CNTN5: variants seen among roughly 807,000 people sequenced by gnomAD.
The protein encoded by CNTN5 is contactin 5.
CNTN5 carries 77 observed loss-of-function variants against 129.1 expected under a neutral mutation model. The observed-to-expected ratio is 0.60, with a 90% CI of 0.50 to 0.72. CNTN5 has a LOEUF of 0.72. Among genes scored for constraint, CNTN5 ranks in the 30% least tolerant of loss-of-function variants. The pLI is 0.00. For synonymous variants in CNTN5, 509 were observed against 465.6 expected (o/e 1.09, Z -1.20); for missense variants, 1,478 against 1,328.8 (o/e 1.11, Z -1.75).
At chr11:99,895,563 G>C (rs564626928) in intron 6 of CNTN5, among the ~76,000 whole-genome samples, 3 of 152,272 alleles carry the variant, frequency 2.0e-5, no homozygotes, top group Non-Finnish European at 2.9e-5. Context: ...ATAGAGCAGA[G>C]AGGAATGAAG....
chr11:99,646,822 AAAAAAG>A (rs1469556871), intron 3 of CNTN5, among the ~76,000 whole-genome samples: 2 of 151,714 alleles, frequency 1.3e-5, no homozygotes, highest in Non-Finnish European at 2.9e-5. Context: ...AAAAAAAAAA[AAAAAAG>A]GAAAAAAACC....
chr11:99,040,978 TAGG>T (rs2135136332), intron 1 of CNTN5, among the ~76,000 whole-genome samples: 1 of 152,214 alleles, frequency 6.6e-6, no homozygotes, highest in South Asian at 2.1e-4. Flanking sequence ...ATCATCAACT[TAGG>T]AGGAACTAAA....
At chr11:100,021,916 G>A (rs1941174242) in intron 9 of CNTN5, among the ~76,000 whole-genome samples, 1 of 152,140 alleles carries the variant, frequency 6.6e-6, no homozygotes, top group African/African-American at 2.4e-5. Context: ...AGGGCAGGAA[G>A]CAACCAGCAC....
intron 3 of CNTN5, among the ~76,000 whole-genome samples, chr11:99,797,545 T>G (rs1270269827): frequency 4.6e-5 from 7 of 152,202 alleles, no homozygotes; most frequent in African/African-American, 1.4e-4. Flanking sequence ...GTGAAGCATT[T>G]TTTCAGGCTT....
intron 3 of CNTN5, among the ~76,000 whole-genome samples, chr11:99,669,443 T>G (rs992248468): frequency 1.3e-4 from 8 of 60,870 alleles, no homozygotes; most frequent in East Asian, 3.6e-4. Context: ...TTAAATATGG[T>G]GTGTGTGTGT....
At chr11:100,152,419 A>G (rs1340925330) in intron 13 of CNTN5, among the ~76,000 whole-genome samples, 1 of 152,164 alleles carries the variant, frequency 6.6e-6, no homozygotes, top group African/African-American at 2.4e-5. Context: ...GCCAAAACAA[A>G]GCAAAAGCAA....
chr11:99,648,813 A>G (rs1262743822), intron 3 of CNTN5, among the ~76,000 whole-genome samples: 1 of 151,898 alleles, frequency 6.6e-6, no homozygotes, highest in East Asian at 1.9e-4. Context: ...GGAAGAGGAA[A>G]TTAAACACTG....
intron 1 of CNTN5, among the ~76,000 whole-genome samples, chr11:99,229,640 G>C (rs1860884611): frequency 6.6e-6 from 1 of 151,824 alleles, no homozygotes; most frequent in Non-Finnish European, 1.5e-5. Context: ...CATAAGGAGA[G>C]CGTGATTTTA....
chr11:100,183,877 C>A (rs943474570), intron 13 of CNTN5, among the ~76,000 whole-genome samples: 4 of 152,052 alleles, frequency 2.6e-5, no homozygotes, highest in Non-Finnish European at 5.9e-5. Context: ...CAGGGTCTCC[C>A]CCTCGCCTAC....
chr11:99,213,169 C>A (rs573752327), intron 1 of CNTN5, among the ~76,000 whole-genome samples: 1 of 148,880 alleles, frequency 6.7e-6, no homozygotes, highest in Non-Finnish European at 1.5e-5. Flanking sequence ...CCAGCCAGGG[C>A]GACAGAGTGA....
At chr11:99,231,338 A>G (rs1362818098) in intron 1 of CNTN5, among the ~76,000 whole-genome samples, 3 of 152,092 alleles carry the variant, frequency 2.0e-5, no homozygotes, top group Non-Finnish European at 2.9e-5. Context: ...AATAATCACC[A>G]TTCTAACTGG....
intron 6 of CNTN5, among the ~76,000 whole-genome samples, chr11:99,867,949 T>C (rs770532337): frequency 8.5e-5 from 13 of 152,276 alleles, no homozygotes; most frequent in East Asian, 1.9e-4. Flanking sequence ...GCGCGGTGGC[T>C]CACACCTGTA....
At chr11:100,088,064 A>C (rs1362531363) in intron 13 of CNTN5, among the ~76,000 whole-genome samples, 1 of 151,982 alleles carries the variant, frequency 6.6e-6, no homozygotes, top group Non-Finnish European at 1.5e-5. Context: ...CTTTGAAATA[A>C]ATGAAGAGAC....
At chr11:100,045,788 T>C (rs1252568331) in intron 9 of CNTN5, among the ~76,000 whole-genome samples, 1 of 151,360 alleles carries the variant, frequency 6.6e-6, no homozygotes, top group Non-Finnish European at 1.5e-5. Flanking sequence ...ATGGTAATTA[T>C]AAAGTCTGAT....
chr11:99,987,370 A>G (rs758316223), intron 8 of CNTN5, among the ~76,000 whole-genome samples: 2 of 152,004 alleles, frequency 1.3e-5, no homozygotes, highest in Non-Finnish European at 2.9e-5. Flanking sequence ...CCAAAAAAAG[A>G]AAAGAAAAAT....
chr11:99,950,192 T>A (rs578026949), intron 7 of CNTN5, among the ~76,000 whole-genome samples: 28 of 152,292 alleles, frequency 1.8e-4, no homozygotes, highest in Non-Finnish European at 3.5e-4. Flanking sequence ...ATATCTTGAT[T>A]CTGAGGCTGG....
intron 3 of CNTN5, among the ~76,000 whole-genome samples, chr11:99,767,040 T>A (rs891730383): frequency 6.6e-6 from 1 of 152,134 alleles, no homozygotes; most frequent in African/African-American, 2.4e-5. Context: ...TTGACTATTC[T>A]GCCAAATGCA....
intron 3 of CNTN5, among the ~76,000 whole-genome samples, chr11:99,818,006 T>G (rs540287549): frequency 1.3e-5 from 2 of 152,180 alleles, no homozygotes; most frequent in African/African-American, 4.8e-5. Context: ...TTTTAGAGTT[T>G]CAGAGAAATC....
intron 13 of CNTN5, among the ~76,000 whole-genome samples, chr11:100,170,385 A>G (rs935827246): frequency 3.3e-5 from 5 of 152,016 alleles, no homozygotes; most frequent in African/African-American, 1.2e-4. Context: ...TAGTCAGGCT[A>G]TTATGATTTT....
Sources: allele counts gnomAD v4.1 joint callset (sites outside exome capture counted in the v4.1 genomes callset), GRCh38; gene constraint gnomAD v4.1.1; transcripts MANE v1.5; gene names NCBI Gene and HGNC (gene_info 2026-07-23, HGNC 2026-07-21).